Variants in CTNNA3 observed in about 807,000 individuals in gnomAD.
The protein encoded by CTNNA3 is catenin alpha-3.
CTNNA3 carries 76 observed loss-of-function variants against 95.7 expected under a neutral mutation model. The observed-to-expected ratio is 0.79, with a 90% CI of 0.66 to 0.96. The LOEUF (loss-of-function observed/expected upper bound fraction) is 0.96, where lower values mean the gene tolerates loss of function less well. CTNNA3 is among the 40% of genes least tolerant of loss of function. The pLI, the probability that CTNNA3 is intolerant of heterozygous loss-of-function variation, is 0.00. For synonymous variants in CTNNA3, 431 were observed against 374.4 expected, an observed-to-expected ratio of 1.15 and a Z score of -1.74; for missense variants, 1,191 against 1,089.8, an observed-to-expected ratio of 1.09 and a Z score of -1.31.
At chr10:66,248,866 G>A (rs145820896) in intron 13 of CTNNA3, among the ~76,000 whole-genome samples, 9 of 152,064 alleles carry the variant, frequency 5.9e-5, no homozygotes, top group Non-Finnish European at 1.2e-4. Context: ...AAGAAAACTG[G>A]AGGACTCACA....
At chr10:66,964,720 A>T (rs1055529052) in intron 7 of CTNNA3, among the ~76,000 whole-genome samples, 1 of 152,130 alleles carries the variant, frequency 6.6e-6, no homozygotes, top group African/African-American at 2.4e-5. Context: ...CTCTTACAGA[A>T]TTTCATGATC....
intron 10 of CTNNA3, among the ~76,000 whole-genome samples, chr10:66,621,102 TCTTAA>T (rs1428899257): frequency 1.3e-5 from 2 of 152,114 alleles, no homozygotes; most frequent in Non-Finnish European, 2.9e-5. Context: ...AGAAAATATT[TCTTAA>T]CTTTTTTCAA....
Position 67,607,183 on chromosome 10 carries a change from C to T in CTNNA3, c.100-134G>A, listed in dbSNP as rs147229073. On this transcript the variant is annotated intron_variant, in intron 2 of 17. Transcript: ENST00000433211. The stretch of plus-strand genomic sequence containing the variant: ...TCAAGGGCTAGGGGCGCCAACCCAC[C>T]GTGCAGTTGAAAATCTGAGTATAAC... The T allele has an allele frequency of 1.2e-3, 719 of 620,984 alleles. 1 individual carries two copies. The highest frequency in any genetic ancestry group is 1.5e-3 in the Non-Finnish European group (565 of 364,608). The allele number at this position is 620,984 out of a possible 1,614,324, so 38.5% of individuals were successfully genotyped here. A position where few individuals can be genotyped will look rare whatever the true frequency, so the allele number is the denominator to read the frequency against.
intron 7 of CTNNA3, among the ~76,000 whole-genome samples, chr10:67,107,201 G>C (rs547033180): frequency 8.5e-5 from 13 of 152,296 alleles, no homozygotes; most frequent in African/African-American, 2.9e-4. Flanking sequence ...TTCTCTGGAA[G>C]AGAAAGACCA....
intron 1 of CTNNA3, among the ~76,000 whole-genome samples, chr10:67,658,813 C>G (rs1307528481): frequency 6.6e-6 from 1 of 152,086 alleles, no homozygotes; most frequent in African/African-American, 2.4e-5. Context: ...TTCAACAGAA[C>G]AAAACAATAT....
intron 11 of CTNNA3, among the ~76,000 whole-genome samples, chr10:66,428,244 T>C (rs1319792784): frequency 3.3e-5 from 5 of 152,084 alleles, no homozygotes; most frequent in African/African-American, 7.2e-5. Flanking sequence ...AGCACCCAGA[T>C]TCATAAAGCA....
At chr10:67,607,824 C>T (rs1843331828) in intron 2 of CTNNA3, among the ~76,000 whole-genome samples, 1 of 152,214 alleles carries the variant, frequency 6.6e-6, no homozygotes, top group Admixed American at 6.5e-5. Flanking sequence ...CTCTCTTCAA[C>T]TACCCCAGTC....
At chr10:67,147,482 T>C (rs762791920) in intron 7 of CTNNA3, among the ~76,000 whole-genome samples, 16 of 152,206 alleles carry the variant, frequency 1.1e-4, no homozygotes, top group Non-Finnish European at 2.1e-4. Context: ...GCACAAAATG[T>C]ATTCTTTTCT....
chr10:67,301,416 T>C (rs1840262953), intron 5 of CTNNA3, among the ~76,000 whole-genome samples: 1 of 152,184 alleles, frequency 6.6e-6, no homozygotes, highest in Non-Finnish European at 1.5e-5. Flanking sequence ...GGTCAATTAG[T>C]ACAGCCATTA....
At chr10:66,705,129 G>C (rs1447928334) in intron 9 of CTNNA3, among the ~76,000 whole-genome samples, 1 of 151,768 alleles carries the variant, frequency 6.6e-6, no homozygotes, top group Admixed American at 6.6e-5. Context: ...ATAATCATAT[G>C]GTTTTCTTTT....
rs1315108794 is a variant in CTNNA3, at chr10:66,377,387, G to T, written c.1732+1765C>A. Among the ~76,000 whole-genome samples, 3 of 152,024 alleles carry T rather than the reference G, an allele frequency of 2.0e-5. No individual in the cohort carries two copies. In the East Asian group the frequency reaches 5.8e-4, roughly 29 times the overall value. On this transcript the variant is annotated intron_variant, in intron 12 of 17. Coordinates refer to ENST00000433211, the MANE Select transcript of CTNNA3 (RefSeq NM_013266.4). ...TCTGAATGTGATAATGTAGCCATAT[G>T]GATTAGCTATCTAGAAAGGTTATTA...
intron 5 of CTNNA3, among the ~76,000 whole-genome samples, chr10:67,391,399 TAA>T (rs1300260306): frequency 6.6e-6 from 1 of 151,694 alleles, no homozygotes; most frequent in Non-Finnish European, 1.5e-5. Context: ...CTCAAGGAAA[TAA>T]AAGAGGATAC....
At chr10:66,306,161 T>A (rs913881321) in intron 12 of CTNNA3, among the ~76,000 whole-genome samples, 2 of 152,178 alleles carry the variant, frequency 1.3e-5, no homozygotes, top group African/African-American at 4.8e-5. Context: ...CTTAACTAAA[T>A]TTTTTGAAGG....
intron 15 of CTNNA3, among the ~76,000 whole-genome samples, chr10:66,007,276 C>T (rs2078906514): frequency 1.3e-5 from 2 of 152,098 alleles, no homozygotes; most frequent in Non-Finnish European, 2.9e-5. Flanking sequence ...AATAATCAGC[C>T]TTAGTTCAGA....
chr10:67,457,094 T>C (rs754876070), intron 5 of CTNNA3, among the ~76,000 whole-genome samples: 1 of 151,996 alleles, frequency 6.6e-6, no homozygotes, highest in Non-Finnish European at 1.5e-5. Context: ...AAAGGAAGGA[T>C]AGCTAATATA....
At chr10:66,705,203 A>T (rs1731758017) in intron 9 of CTNNA3, among the ~76,000 whole-genome samples, 1 of 152,110 alleles carries the variant, frequency 6.6e-6, no homozygotes, top group Non-Finnish European at 1.5e-5. Context: ...TAGTATTCTT[A>T]GGATAAATCG....
At chr10:67,134,447 TAA>T (rs1860193612) in intron 7 of CTNNA3, among the ~76,000 whole-genome samples, 1 of 152,122 alleles carries the variant, frequency 6.6e-6, no homozygotes, top group South Asian at 2.1e-4. Flanking sequence ...ATGAATTTCC[TAA>T]TAAAATAATA....
chr10:67,550,917 C>T (rs1841006497), intron 3 of CTNNA3, among the ~76,000 whole-genome samples: 4 of 152,140 alleles, frequency 2.6e-5, no homozygotes, highest in Admixed American at 2.6e-4. Context: ...AGCAAACTTT[C>T]GTGTCTCAGT....
At chr10:66,189,398 G>T (rs1262642566) in intron 13 of CTNNA3, among the ~76,000 whole-genome samples, 1 of 151,344 alleles carries the variant, frequency 6.6e-6, no homozygotes, top group Non-Finnish European at 1.5e-5. Flanking sequence ...TTTGTGTATA[G>T]TATGAGTCCA....
Sources: gnomAD v4.1 joint callset for allele counts (sites outside exome capture counted in the v4.1 genomes callset) on GRCh38, gnomAD v4.1.1 for gene constraint, MANE v1.5 for transcripts, NCBI Gene and HGNC (gene_info 2026-07-23, HGNC 2026-07-21) for gene names.